NLRP11: variants seen among roughly 807,000 people sequenced by gnomAD.
NLRP11 encodes NACHT, LRR and PYD domains-containing protein 11.
A neutral mutation model predicts 79.3 loss-of-function variants in NLRP11; 53 were observed. The observed-to-expected ratio is 0.67, with a 90% CI of 0.54 to 0.84. NLRP11 has a LOEUF of 0.84. Ranked by LOEUF, NLRP11 falls within the 40% of genes least tolerant of loss-of-function variation. NLRP11 has a pLI of 0.00. For synonymous variants in NLRP11, 518 were observed against 462.6 expected (o/e 1.12, Z -1.54); for missense variants, 1,264 against 1,255.0 (o/e 1.01, Z -0.11).
At chr19:55,792,584 C>T in intron 6 of NLRP11, 113 bp from the exon 7 acceptor site, 1 of 708,878 alleles carries the variant, frequency 1.4e-6, no homozygotes, top group East Asian at 2.6e-5. Flanking sequence ...GCCATTGCCC[C>T]AAATCTCTAC....
At chr19:55,820,908 C>T (rs1441225361) in intron 1 of NLRP11, among the ~76,000 whole-genome samples, 2 of 152,072 alleles carry the variant, frequency 1.3e-5, no homozygotes, top group Non-Finnish European at 2.9e-5. Flanking sequence ...ATGACACGTC[C>T]GAAACTGCCA....
At chr19:55,797,315 A>G (rs914126783) in intron 5 of NLRP11, among the ~76,000 whole-genome samples, 1 of 152,110 alleles carries the variant, frequency 6.6e-6, no homozygotes, top group African/African-American at 2.4e-5. Flanking sequence ...AAATAAATAA[A>G]ATAAGTAGAA....
intron 4 of NLRP11, among the ~76,000 whole-genome samples, chr19:55,804,603 C>G (rs1248425959): frequency 6.6e-6 from 1 of 151,886 alleles, no homozygotes; most frequent in Non-Finnish European, 1.5e-5. Context: ...CTGAGGTGTA[C>G]TTGAGGGGAG....
chr19:55,808,615 A>G (rs75918315), intron 3 of NLRP11, among the ~76,000 whole-genome samples, 154 bp downstream of exon 3: 2,286 of 152,322 alleles, frequency 0.015, 51 homozygotes, highest in African/African-American at 0.052. Context: ...TTTAAACAGA[A>G]GCAGAGAGAT....
chr19:55,835,528 C>A (rs886986599), upstream of NLRP11, among the ~76,000 whole-genome samples: 3 of 149,866 alleles, frequency 2.0e-5, no homozygotes, highest in Non-Finnish European at 4.4e-5. Flanking sequence ...TGGTGAAACC[C>A]TGTCTCTACT....
In NLRP11 at chr19:55,789,950, A is replaced by C. The variant is rs541239769; in HGVS notation, c.2514-551T>G. ...CACGTCTCCCCCATTATCTACTCCT[A>C]CAATCCTACTTCATTGCCTCACCAC... On this transcript the variant is annotated intron_variant, in intron 7 of 9. Coordinates refer to ENST00000589093, the Ensembl canonical transcript of NLRP11. 5.9e-5 allele frequency among the ~76,000 whole-genome samples: 9 copies of C among 152,188 alleles called. No homozygotes were observed. The South Asian group carries it at 1.9e-3, about 32-fold the overall frequency.
rs750810267 is a variant in NLRP11 at position 55,810,257 on chromosome 19, T to G, written c.353A>C (p.Tyr118Ser). The G allele has an allele frequency of 1.9e-6, 3 of 1,613,856 alleles. No individual in the cohort carries two copies. The Admixed American group carries it at 5.0e-5, about 27-fold the overall frequency. Residue 118 changes from tyrosine to serine, a missense_variant, in exon 3 of 10, where the codon TAT (tyrosine) becomes TCT (serine). Physicochemically the swap from Tyr to Ser is moderately radical, Grantham distance 144. Transcript: ENST00000589093. ...TGACGAAACGTCACGAAAAAATTTATAATGAAATTTTCCAAAAGTGTGACT... is the reference window on the plus strand; with the variant it reads ...TGACGAAACGTCACGAAAAAATTTAGAATGAAATTTTCCAAAAGTGTGACT...
At chr19:55,824,121 A>G (rs975398319) in intron 1 of NLRP11, among the ~76,000 whole-genome samples, 1 of 121,978 alleles carries the variant, frequency 8.2e-6, no homozygotes, top group African/African-American at 3.9e-5. Flanking sequence ...ACATTCTTAA[A>G]GAAAAGAATT....
chr19:55,834,179 G>T (rs1253758620), upstream of NLRP11, among the ~76,000 whole-genome samples: 1 of 152,108 alleles, frequency 6.6e-6, no homozygotes, highest in African/African-American at 2.4e-5. Context: ...TCAGTGAATG[G>T]TTCTTATATA....
chr19:55,786,257 GT>G (rs1218314979), intron 9 of NLRP11, among the ~76,000 whole-genome samples: 1 of 152,182 alleles, frequency 6.6e-6, no homozygotes, highest in Admixed American at 6.5e-5. Flanking sequence ...ACGCAGTCCA[GT>G]CCCACGTCTA....
intron 4 of NLRP11, among the ~76,000 whole-genome samples, chr19:55,805,976 G>A (rs1405740343): frequency 6.6e-6 from 1 of 152,184 alleles, no homozygotes; most frequent in Admixed American, 6.5e-5. Context: ...CAGTCTCCTT[G>A]AATAAGGACT....
At position 55,809,428 on chromosome 19, in the gene NLRP11, T is replaced by G; in HGVS notation, c.1182A>C (p.Leu394=). ...CTGCAGCCAGCAAACACAGACGTTT[T>G]AGGAGACCTAGGTGATACTGATTGG... is the stretch of plus-strand genomic sequence containing the variant. Residue 394 remains leucine, a synonymous_variant, in exon 3 of 10, where the codon CTA becomes CTC. Coordinates refer to ENST00000589093, the Ensembl canonical transcript of NLRP11. This position sits in a 1 kb window ranked among gnomAD's most constrained non-coding sequence, Gnocchi z 4.5. 6.2e-7 allele frequency: 1 copy of G among 1,614,186 alleles called. No individual in the cohort carries two copies. The highest frequency in any genetic ancestry group is 8.5e-7 in the Non-Finnish European group (1 of 1,180,026).
At chr19:55,794,714 C>G (rs1437439834) in intron 6 of NLRP11, among the ~76,000 whole-genome samples, 3 of 151,706 alleles carry the variant, frequency 2.0e-5, no homozygotes, top group Non-Finnish European at 4.4e-5. Context: ...GAGCCGAGAT[C>G]GCGCCACCGC....
At position 55,810,270 on chromosome 19, in the gene NLRP11, CA is replaced by C; in HGVS notation, c.339del (p.Phe113LeufsTer22). ...CGAAAAAATTTATAATGAAATTTTC[CA>C]AAAGTGTGACTTTCCCATTGCAGCA... On this transcript the variant is annotated frameshift_variant, in exon 3 of 10. Coordinates refer to ENST00000589093, the Ensembl canonical transcript of NLRP11. LOFTEE classifies it high-confidence loss of function. 1 of 1,613,908 alleles carries C rather than the reference CA, an allele frequency of 6.2e-7. No homozygotes were observed. The highest frequency in any genetic ancestry group is 8.5e-7 in the Non-Finnish European group (1 of 1,179,840).
intron 6 of NLRP11, among the ~76,000 whole-genome samples, chr19:55,795,576 G>A (rs549807290): frequency 7.2e-5 from 11 of 151,998 alleles, no homozygotes; most frequent in African/African-American, 1.2e-4. Context: ...TGCAACCTCC[G>A]CCTCCCGGGT....
At chr19:55,810,401 A>T (rs1220997427) in intron 2 of NLRP11, 63 bp from the exon 3 acceptor site, 11 of 1,437,804 alleles carry the variant, frequency 7.7e-6, no homozygotes. Context: ...ATGTAAAAAC[A>T]GTTTTAGCTT....
intron 6 of NLRP11, among the ~76,000 whole-genome samples, chr19:55,794,354 C>A (rs1256794158): frequency 6.6e-6 from 1 of 152,130 alleles, no homozygotes; most frequent in African/African-American, 2.4e-5. Context: ...GATTATTGAA[C>A]CAATGGTCTG....
At chr19:55,812,458 T>A (rs1187384278) in intron 2 of NLRP11, among the ~76,000 whole-genome samples, 2 of 152,136 alleles carry the variant, frequency 1.3e-5, no homozygotes, top group African/African-American at 4.8e-5. Context: ...CAGTATAAAA[T>A]ACGTGTAATT....
At chr19:55,797,870 C>T (rs1433837370) in intron 5 of NLRP11, among the ~76,000 whole-genome samples, 1 of 152,142 alleles carries the variant, frequency 6.6e-6, no homozygotes, top group East Asian at 1.9e-4. Context: ...GAGTCAGAAG[C>T]AGGAGCAGGT....
Sources: allele counts gnomAD v4.1 joint callset (sites outside exome capture counted in the v4.1 genomes callset), GRCh38; gene constraint gnomAD v4.1.1; non-coding constraint Gnocchi (gnomAD v3.1); transcripts MANE v1.5; gene names NCBI Gene and HGNC (gene_info 2026-07-23, HGNC 2026-07-21).